The following C1orf21 variants were observed in gnomAD, a reference collection of about 807,000 sequenced individuals.
C1orf21 encodes chromosome 1 open reading frame 21.
C1orf21 carries 3 observed loss-of-function variants against 18.7 expected under a neutral mutation model. That is an observed-to-expected ratio of 0.16 (90% CI 0.07 to 0.42). The LOEUF is 0.42. Ranked by LOEUF, C1orf21 falls within the 10% of genes least tolerant of loss-of-function variation. The pLI is 0.99. For missense variants in C1orf21, 104 were observed against 143.6 expected, an observed-to-expected ratio of 0.72 and a Z score of 1.41; for synonymous variants, 41 against 46.4, an observed-to-expected ratio of 0.88 and a Z score of 0.47.
intron 1 of C1orf21, among the ~76,000 whole-genome samples, chr1:184,393,098 C>T (rs146966750): frequency 6.6e-6 from 1 of 151,974 alleles, no homozygotes; most frequent in East Asian, 1.9e-4. Context: ...CCAAGACCAC[C>T]GCAGCATCAG....
intron 5 of C1orf21, among the ~76,000 whole-genome samples, chr1:184,602,706 C>T (rs1469243079): frequency 6.6e-6 from 1 of 152,148 alleles, no homozygotes; most frequent in Non-Finnish European, 1.5e-5. Flanking sequence ...ATACAGATGA[C>T]ATCAGATGTT....
chr1:184,551,059 G>T (rs1382953508), intron 3 of C1orf21, among the ~76,000 whole-genome samples: 1 of 152,178 alleles, frequency 6.6e-6, no homozygotes, highest in Non-Finnish European at 1.5e-5. Context: ...ACAGTTTAGT[G>T]CCAGCATAGG....
chr1:184,592,426 C>T (rs940210210), intron 4 of C1orf21, among the ~76,000 whole-genome samples: 3 of 152,066 alleles, frequency 2.0e-5, no homozygotes, highest in African/African-American at 7.2e-5. Context: ...AGTTAAAAAA[C>T]AATAATGAGT....
At chr1:184,497,456 C>T (rs1157741031) in intron 2 of C1orf21, among the ~76,000 whole-genome samples, 1 of 152,226 alleles carries the variant, frequency 6.6e-6, no homozygotes, top group Admixed American at 6.5e-5. Flanking sequence ...GAGGGATTGC[C>T]TGCTGCCTCC....
rs1489432331 is a variant in C1orf21, at chr1:184,625,926, C to G, written c.*6370C>G. ...GGCGTGTGCCTGGTCCAGCCACATA[C>G]AGCCACCACATGTGTCACACACTGT... On this transcript the variant is annotated 3_prime_UTR_variant, in exon 6 of 6. Transcript: ENST00000235307. The G allele has an allele frequency of 2.6e-5, 4 of 152,190 alleles. No individual in the cohort carries two copies. Among genetic ancestry groups the G allele is most frequent in the Non-Finnish European group, 1.5e-5 (1 of 68,074 alleles). The allele number at this position is 152,190 out of a possible 1,614,324, so 9.4% of individuals were successfully genotyped here. A position where few individuals can be genotyped will look rare whatever the true frequency, so the allele number is the denominator to read the frequency against.
chr1:184,426,583 G>A (rs139183089), intron 1 of C1orf21, among the ~76,000 whole-genome samples: 4 of 152,134 alleles, frequency 2.6e-5, no homozygotes, highest in Admixed American at 2.0e-4. Context: ...TTCTTGAAAC[G>A]GTCTTCCTCC....
chr1:184,441,421 C>T (rs763180995), intron 1 of C1orf21, among the ~76,000 whole-genome samples: 80 of 152,340 alleles, frequency 5.3e-4, no homozygotes, highest in Middle Eastern at 6.8e-3. Context: ...TCTTGATTCA[C>T]AGTCATGACA....
intron 3 of C1orf21, among the ~76,000 whole-genome samples, chr1:184,520,535 G>C (rs1156947356): frequency 6.6e-6 from 1 of 152,162 alleles, no homozygotes. Context: ...TGCAGACAAA[G>C]AGAACAGAGA....
intron 2 of C1orf21, among the ~76,000 whole-genome samples, chr1:184,505,866 CTT>C: frequency 6.8e-6 from 1 of 147,448 alleles, no homozygotes; most frequent in South Asian, 2.2e-4. Flanking sequence ...CCATTTTTAC[CTT>C]TTTTTTTTAC....
At chr1:184,592,614 T>A (rs1380416168) in intron 4 of C1orf21, among the ~76,000 whole-genome samples, 2 of 152,212 alleles carry the variant, frequency 1.3e-5, no homozygotes, top group African/African-American at 4.8e-5. Context: ...ACTGGTACAT[T>A]TGACACAGGC....
At position 184,587,655 on chromosome 1, in the gene C1orf21, G is replaced by GTTT. The variant is rs3034488; in HGVS notation, c.190-3071_190-3069dup. Reference sequence around the variant, plus strand: ...TGCTAGTGATTTTTGTTTTTGTATGGTTTTTTTTTTTTTTTGAGATGGAGT... The same window carrying GTTT: ...TGCTAGTGATTTTTGTTTTTGTATGGTTTTTTTTTTTTTTTTTTGAGATGGAGT... On this transcript the variant is annotated intron_variant, in intron 3 of 5. Coordinates refer to ENST00000235307, the MANE Select transcript of C1orf21 (RefSeq NM_030806.4). Among the ~76,000 whole-genome samples, 77 of 127,982 alleles carry GTTT rather than the reference G, an allele frequency of 6.0e-4. 3 individuals are homozygous for GTTT. The highest frequency in any genetic ancestry group is 3.1e-3 in the South Asian group (12 of 3,926). 84.0% of individuals were successfully genotyped at this position (127,982 alleles called of 152,430 possible). A position where few individuals can be genotyped will look rare whatever the true frequency, so the allele number is the denominator to read the frequency against.
intron 2 of C1orf21, among the ~76,000 whole-genome samples, chr1:184,485,953 A>G (rs1345836586): frequency 6.6e-6 from 1 of 152,224 alleles, no homozygotes; most frequent in Non-Finnish European, 1.5e-5. Flanking sequence ...AGGCCAGATT[A>G]TAGTCATAAA....
chr1:184,397,098 T>C (rs187691579), intron 1 of C1orf21, among the ~76,000 whole-genome samples: 4 of 152,210 alleles, frequency 2.6e-5, no homozygotes, highest in Admixed American at 2.6e-4. Context: ...TAGAAAAGGA[T>C]GGTGAAGGAG....
At chr1:184,445,343 CCTCT>C (rs57710614) in intron 1 of C1orf21, among the ~76,000 whole-genome samples, 2,021 of 134,732 alleles carry the variant, frequency 0.015, 25 homozygotes, top group African/African-American at 0.036. Flanking sequence ...TTTTTTCAGA[CCTCT>C]CTCTCTCTCT....
rs1252605433 is a variant in C1orf21, at chr1:184,626,025, T to TG, written c.*6473dup. The TG allele has an allele frequency of 1.5e-4, 23 of 152,320 alleles. 1 individual carries two copies. In the East Asian group the frequency reaches 3.7e-3, roughly 24 times the overall value. 9.4% of individuals were successfully genotyped at this position (152,320 alleles called of 1,614,324 possible). On this transcript the variant is annotated 3_prime_UTR_variant, in exon 6 of 6. Transcript: ENST00000235307. Reference sequence around the variant, plus strand: ...ATGCTCTAACCCCAGTGTGTGGAGTTGGGGTCCCTTCATCTAGGTTGACCC... The same window carrying TG: ...ATGCTCTAACCCCAGTGTGTGGAGTTGGGGGTCCCTTCATCTAGGTTGACCC...
chr1:184,547,420 C>CTTTTTTT (rs34169321), intron 3 of C1orf21, among the ~76,000 whole-genome samples: 8 of 102,940 alleles, frequency 7.8e-5, no homozygotes, highest in East Asian at 2.5e-4. Context: ...TACATCCAGA[C>CTTTTTTT]TTTTTTTTTT....
At chr1:184,604,133 A>G (rs1317111575) in intron 5 of C1orf21, among the ~76,000 whole-genome samples, 1 of 152,230 alleles carries the variant, frequency 6.6e-6, no homozygotes, top group Non-Finnish European at 1.5e-5. Flanking sequence ...CGATTTCTGT[A>G]GTCTATTAAA....
At chr1:184,598,943 G>A (rs1430514216) in intron 5 of C1orf21, among the ~76,000 whole-genome samples, 1 of 152,154 alleles carries the variant, frequency 6.6e-6, no homozygotes, top group Non-Finnish European at 1.5e-5. Flanking sequence ...AAGGAAACAG[G>A]CTCAGAATGC....
chr1:184,568,666 A>G (rs1031783261), intron 3 of C1orf21, among the ~76,000 whole-genome samples: 1 of 152,202 alleles, frequency 6.6e-6, no homozygotes, highest in African/African-American at 2.4e-5. Flanking sequence ...ACTCAGCTTA[A>G]AAGTGATGGT....
Sources: gnomAD v4.1 joint callset for allele counts (sites outside exome capture counted in the v4.1 genomes callset) on GRCh38, gnomAD v4.1.1 for gene constraint, MANE v1.5 for transcripts, NCBI Gene and HGNC (gene_info 2026-07-23, HGNC 2026-07-21) for gene names.